The following OSBPL1A variants were observed in gnomAD, a reference collection of about 807,000 sequenced individuals.
OSBPL1A encodes the protein oxysterol-binding protein-related protein 1.
A neutral mutation model predicts 137.1 loss-of-function variants in OSBPL1A; 80 were observed. That is an observed-to-expected ratio of 0.58 (90% CI 0.49 to 0.70). The LOEUF (loss-of-function observed/expected upper bound fraction) is 0.70. Among genes scored for constraint, OSBPL1A ranks in the 30% least tolerant of loss-of-function variants. The probability of loss-of-function intolerance (pLI) is 0.00; values close to 1 mark genes in which losing one functional copy is unlikely to be tolerated. For missense variants in OSBPL1A, 970 were observed against 1,129.4 expected (o/e 0.86, Z 2.02); for synonymous variants, 365 against 389.7 (o/e 0.94, Z 0.75).
intron 14 of OSBPL1A, among the ~76,000 whole-genome samples, chr18:24,294,300 C>T (rs913093295): frequency 2.6e-5 from 4 of 151,728 alleles, no homozygotes; most frequent in South Asian, 2.1e-4. Flanking sequence ...GGCGCGATCT[C>T]GGCTCACTGC....
intron 15 of OSBPL1A, among the ~76,000 whole-genome samples, chr18:24,242,989 A>C (rs1280578095): frequency 1.3e-5 from 2 of 152,170 alleles, no homozygotes; most frequent in Non-Finnish European, 2.9e-5. Context: ...TCTATTATAT[A>C]AACAAGGACT....
At chr18:24,377,935 CTT>C (rs1906318739) in intron 1 of OSBPL1A, among the ~76,000 whole-genome samples, 1 of 152,138 alleles carries the variant, frequency 6.6e-6, no homozygotes, top group Non-Finnish European at 1.5e-5. Context: ...CAAAGTATGA[CTT>C]TATTTCCTAT....
At chr18:24,181,819 C>G (rs980122243) in intron 18 of OSBPL1A, among the ~76,000 whole-genome samples, 3 of 152,132 alleles carry the variant, frequency 2.0e-5, no homozygotes, top group African/African-American at 7.2e-5. Context: ...CTTTCTTTGT[C>G]TGGCTCCCTC....
intron 17 of OSBPL1A, among the ~76,000 whole-genome samples, chr18:24,203,567 T>A (rs2145956470): frequency 6.6e-6 from 1 of 152,362 alleles, no homozygotes; most frequent in East Asian, 1.9e-4. Flanking sequence ...GTAGGTAGCA[T>A]CTCACACACG....
chr18:24,281,812 A>G (rs2089965193), intron 14 of OSBPL1A, among the ~76,000 whole-genome samples: 2 of 152,362 alleles, frequency 1.3e-5, no homozygotes, highest in South Asian at 4.1e-4. Flanking sequence ...AGGAGTCCCC[A>G]GACCCGGGCT....
rs1236613427 is a variant in OSBPL1A at position 24,324,315 on chromosome 18, T to C, written c.626-5506A>G. ...CAGGCTTTCCCAAGTGCACCAAACA[T>C]AGTTTTGAATAGTTTTCCTTGGGCA... On this transcript the variant is annotated intron_variant, in intron 7 of 27. Coordinates refer to ENST00000319481, the MANE Select transcript of OSBPL1A (RefSeq NM_080597.4). 3.1e-5 allele frequency among the ~76,000 whole-genome samples: 2 copies of C among 63,620 alleles called. 1 individual carries two copies. The highest frequency in any genetic ancestry group is 1.8e-4 in the African/African-American group (2 of 11,038). The allele number at this position is 63,620 out of a possible 152,430, so 41.7% of individuals were successfully genotyped here.
intron 15 of OSBPL1A, among the ~76,000 whole-genome samples, chr18:24,261,408 T>C (rs2089442853): frequency 6.6e-6 from 1 of 152,184 alleles, no homozygotes; most frequent in Non-Finnish European, 1.5e-5. Flanking sequence ...GTGGAGTTTA[T>C]TGTACATCAA....
At chr18:24,317,487 C>A in intron 9 of OSBPL1A, 87 bp from the exon 10 acceptor site, 1 of 1,043,942 alleles carries the variant, frequency 9.6e-7, no homozygotes, top group South Asian at 1.3e-5. Context: ...TGAGGACAGT[C>A]ATATTTGAGT....
chr18:24,241,675 G>A (rs1305680257), intron 15 of OSBPL1A, among the ~76,000 whole-genome samples: 1 of 152,236 alleles, frequency 6.6e-6, no homozygotes, highest in Non-Finnish European at 1.5e-5. Context: ...TACTCTGTTG[G>A]TGGGAGTGTA....
chr18:24,177,357 G>T (rs1275196775), intron 21 of OSBPL1A, among the ~76,000 whole-genome samples: 1 of 152,212 alleles, frequency 6.6e-6, no homozygotes, highest in East Asian at 1.9e-4. Flanking sequence ...GCAATTTGCT[G>T]CTCTGATTCT....
chr18:24,365,485 A>G (rs633303), intron 4 of OSBPL1A, among the ~76,000 whole-genome samples: 108,489 of 151,770 alleles, frequency 0.71, 39,659 homozygotes, highest in African/African-American at 0.87. Flanking sequence ...TTGGGAGGCT[A>G]AGGCAGGAGA....
chr18:24,255,424 G>A (rs2146033716), intron 15 of OSBPL1A, among the ~76,000 whole-genome samples: 1 of 152,320 alleles, frequency 6.6e-6, no homozygotes, highest in Non-Finnish European at 1.5e-5. Context: ...GCTGGGAACT[G>A]CTTAGGGCCA....
At chr18:24,256,569 C>T (rs1451908726) in intron 15 of OSBPL1A, among the ~76,000 whole-genome samples, 3 of 152,176 alleles carry the variant, frequency 2.0e-5, no homozygotes, top group African/African-American at 4.8e-5. Flanking sequence ...AACAAACGTT[C>T]ACTTTCACCA....
intron 7 of OSBPL1A, among the ~76,000 whole-genome samples, chr18:24,325,675 A>G (rs1347703212): frequency 1.3e-5 from 2 of 152,176 alleles, no homozygotes; most frequent in Admixed American, 6.5e-5. Context: ...CCACCAGAAT[A>G]TGAGCTCAAG....
chr18:24,334,186 T>G, intron 6 of OSBPL1A, 59 bp downstream of exon 6: 1 of 1,407,678 alleles, frequency 7.1e-7, no homozygotes, highest in Non-Finnish European at 9.8e-7. Flanking sequence ...AGTAAAAATT[T>G]TCCTGAAGTG....
chr18:24,391,193 A>T (rs749889519), intron 1 of OSBPL1A, among the ~76,000 whole-genome samples: 2 of 152,220 alleles, frequency 1.3e-5, no homozygotes, highest in Non-Finnish European at 2.9e-5. Flanking sequence ...TCACAAAAGG[A>T]CAAATATGGT....
At chr18:24,166,050 T>C (rs12458854) in intron 26 of OSBPL1A, among the ~76,000 whole-genome samples, 44,804 of 151,942 alleles carry the variant, frequency 0.29, 7,295 homozygotes, top group East Asian at 0.65. Flanking sequence ...TGAGCCGAGA[T>C]TGCGCCACTG....
chr18:24,238,660 C>G (rs1222622729), intron 16 of OSBPL1A, among the ~76,000 whole-genome samples: 4 of 152,206 alleles, frequency 2.6e-5, no homozygotes, highest in Admixed American at 2.0e-4. Context: ...TGGCTAGTGA[C>G]AGAAGCTCTG....
At chr18:24,190,196 C>A (rs1341865836) in intron 18 of OSBPL1A, among the ~76,000 whole-genome samples, 1 of 152,038 alleles carries the variant, frequency 6.6e-6, no homozygotes, top group Non-Finnish European at 1.5e-5. Flanking sequence ...CAAGCTTGCC[C>A]TGGATCACTC....
Sources: gnomAD v4.1 joint callset for allele counts (sites outside exome capture counted in the v4.1 genomes callset) on GRCh38, gnomAD v4.1.1 for gene constraint, MANE v1.5 for transcripts, NCBI Gene and HGNC (gene_info 2026-07-23, HGNC 2026-07-21) for gene names.